Variants in TMEM132D observed in about 807,000 individuals in gnomAD.
TMEM132D encodes the protein transmembrane protein 132D, also known as mature OL transmembrane protein.
In TMEM132D, 21 loss-of-function variants were observed where a neutral mutation model predicts 62.3. The ratio of observed to expected loss-of-function variants is 0.34; its 90% CI spans 0.24 to 0.49. The LOEUF (loss-of-function observed/expected upper bound fraction) is 0.49. TMEM132D is among the 20% of genes least tolerant of loss of function. The probability of loss-of-function intolerance (pLI) is 0.99; values close to 1 mark genes in which losing one functional copy is unlikely to be tolerated. For synonymous variants in TMEM132D, 621 were observed against 575.6 expected, an observed-to-expected ratio of 1.08 and a Z score of -1.13; for missense variants, 1,346 against 1,402.8, an observed-to-expected ratio of 0.96 and a Z score of 0.65.
intron 3 of TMEM132D, among the ~76,000 whole-genome samples, chr12:129,398,428 C>T (rs796698228): frequency 1.8e-4 from 28 of 152,300 alleles, no homozygotes; most frequent in African/African-American, 6.5e-4. Context: ...GGGCTCACTT[C>T]TTGTATGTGG....
intron 1 of TMEM132D, among the ~76,000 whole-genome samples, chr12:129,807,749 A>G (rs919870994): frequency 1.3e-5 from 2 of 152,204 alleles, no homozygotes; most frequent in African/African-American, 2.4e-5. Context: ...AGATGGAAAT[A>G]GCCCCATTTG....
intron 2 of TMEM132D, among the ~76,000 whole-genome samples, chr12:129,673,993 A>G (rs1174702998): frequency 6.6e-6 from 1 of 152,180 alleles, no homozygotes; most frequent in African/African-American, 2.4e-5. Context: ...GCACACAGAG[A>G]AAACCCCCGC....
chr12:129,836,539 G>C (rs953890008), intron 1 of TMEM132D, among the ~76,000 whole-genome samples: 2 of 151,776 alleles, frequency 1.3e-5, no homozygotes, highest in African/African-American at 4.8e-5. Context: ...TGTGTACCCC[G>C]AATACTGAGA....
chr12:129,518,588 T>A (rs928280621), intron 3 of TMEM132D, among the ~76,000 whole-genome samples: 18 of 150,974 alleles, frequency 1.2e-4, no homozygotes, highest in Admixed American at 1.1e-3. Context: ...CACATATATA[T>A]AAAAATATGC....
intron 3 of TMEM132D, among the ~76,000 whole-genome samples, chr12:129,413,727 A>G (rs1872035775): frequency 6.6e-6 from 1 of 151,954 alleles, no homozygotes; most frequent in Non-Finnish European, 1.5e-5. Context: ...TGAGTAAGAA[A>G]CTCTTACCTT....
intron 1 of TMEM132D, among the ~76,000 whole-genome samples, chr12:129,737,640 C>A (rs796357473): frequency 2.5e-4 from 38 of 152,318 alleles, no homozygotes; most frequent in African/African-American, 9.1e-4. Flanking sequence ...TTTGCACCTG[C>A]CTGATTCACT....
intron 5 of TMEM132D, among the ~76,000 whole-genome samples, chr12:129,164,085 A>C (rs192250687): frequency 6.6e-6 from 1 of 152,346 alleles, no homozygotes; most frequent in African/African-American, 2.4e-5. Context: ...CCCAGTATGC[A>C]GCTCGATTTA....
chr12:129,544,408 A>G (rs1048031312), intron 2 of TMEM132D, among the ~76,000 whole-genome samples: 1 of 152,242 alleles, frequency 6.6e-6, no homozygotes, highest in African/African-American at 2.4e-5. Context: ...CACACTATTC[A>G]TTAAATGATT....
intron 5 of TMEM132D, among the ~76,000 whole-genome samples, chr12:129,166,301 T>C (rs1440050905): frequency 4.4e-5 from 2 of 45,864 alleles, no homozygotes; most frequent in African/African-American, 1.0e-4. Flanking sequence ...GGAGAACCCC[T>C]GCTCCGTCTA....
intron 1 of TMEM132D, among the ~76,000 whole-genome samples, chr12:129,715,555 A>G (rs1188740067): frequency 6.6e-6 from 1 of 152,164 alleles, no homozygotes; most frequent in Non-Finnish European, 1.5e-5. Context: ...AGTCATGCAA[A>G]TCATTTCTAT....
chr12:129,406,392 G>A (rs1012946123), intron 3 of TMEM132D, among the ~76,000 whole-genome samples: 11 of 152,142 alleles, frequency 7.2e-5, no homozygotes, highest in South Asian at 2.1e-4. Context: ...AGGTCGAGGC[G>A]CGTGGATCAC....
intron 4 of TMEM132D, among the ~76,000 whole-genome samples, chr12:129,243,686 T>C (rs1879994423): frequency 6.6e-6 from 1 of 152,218 alleles, no homozygotes; most frequent in Non-Finnish European, 1.5e-5. Flanking sequence ...TCTGGCAAGA[T>C]TTGATTTCAA....
At chr12:129,339,763 G>A (rs1261544192) in intron 3 of TMEM132D, among the ~76,000 whole-genome samples, 2 of 152,156 alleles carry the variant, frequency 1.3e-5, no homozygotes, top group East Asian at 1.9e-4. Context: ...CCGTCTCCGA[G>A]TCTGTGGGCC....
At chr12:129,109,677 AT>A in intron 5 of TMEM132D, 2 of 162,094 alleles carry the variant, frequency 1.2e-5, no homozygotes, top group Non-Finnish European at 2.6e-5. Context: ...CTTCCTCCTC[AT>A]TTTTCTCTTG....
At chr12:129,891,285 C>T (rs1874914922) in intron 1 of TMEM132D, among the ~76,000 whole-genome samples, 1 of 152,144 alleles carries the variant, frequency 6.6e-6, no homozygotes, top group Admixed American at 6.5e-5. Context: ...ACTCAATGAC[C>T]TCATCCACTC....
chr12:129,837,483 A>G (rs1222438462), intron 1 of TMEM132D, among the ~76,000 whole-genome samples: 2 of 152,228 alleles, frequency 1.3e-5, no homozygotes, highest in Non-Finnish European at 2.9e-5. Context: ...AATACAAACA[A>G]AAGACACGCA....
intron 5 of TMEM132D, among the ~76,000 whole-genome samples, chr12:129,170,635 G>A (rs1428648258): frequency 1.3e-5 from 2 of 151,946 alleles, no homozygotes; most frequent in Non-Finnish European, 2.9e-5. Context: ...GACTAGCCTG[G>A]CCAACATAGT....
At chr12:129,490,423 CTTTTTTT>C (rs11311745) in intron 3 of TMEM132D, among the ~76,000 whole-genome samples, 141 of 58,544 alleles carry the variant, frequency 2.4e-3, no homozygotes, top group African/African-American at 0.01. Flanking sequence ...ATTTCCTTTC[CTTTTTTT>C]TTTTTTTTTT....
intron 1 of TMEM132D, among the ~76,000 whole-genome samples, chr12:129,756,223 G>C (rs973247119): frequency 6.6e-6 from 1 of 152,106 alleles, no homozygotes; most frequent in Non-Finnish European, 1.5e-5. Context: ...ATTGTGCCTA[G>C]AGTTCATAAT....
Sources: allele counts gnomAD v4.1 joint callset (sites outside exome capture counted in the v4.1 genomes callset), GRCh38; gene constraint gnomAD v4.1.1; transcripts MANE v1.5; gene names NCBI Gene and HGNC (gene_info 2026-07-23, HGNC 2026-07-21).